Variants in PIP5K1B observed in about 807,000 individuals in gnomAD.
PIP5K1B encodes the protein phosphatidylinositol-4-phosphate 5-kinase type 1 beta, also known as phosphatidylinositol 4-phosphate 5-kinase type-1 beta.
In PIP5K1B, 42 loss-of-function variants were observed where a neutral mutation model predicts 67.0. The observed-to-expected ratio is 0.63, with a 90% confidence interval of 0.49 to 0.81. The LOEUF is 0.81. Among genes scored for constraint, PIP5K1B ranks in the 30% least tolerant of loss-of-function variants. The pLI is 0.00. For synonymous variants in PIP5K1B, 214 were observed against 231.4 expected (o/e 0.92, Z 0.68); for missense variants, 459 against 646.3 (o/e 0.71, Z 3.14).
intron 2 of PIP5K1B, chr9:68,780,489 A>G (rs748345141): frequency 6.2e-7 from 1 of 1,614,188 alleles, no homozygotes; most frequent in Non-Finnish European, 8.5e-7. Context: ...GGAGGTGCAG[A>G]CCGCAATGCA....
intron 5 of PIP5K1B, among the ~76,000 whole-genome samples, chr9:68,870,411 A>C (rs1296844901): frequency 1.3e-5 from 2 of 152,236 alleles, no homozygotes; most frequent in Non-Finnish European, 2.9e-5. Context: ...TGGCACCAGC[A>C]AGGAATGTGT....
At chr9:68,732,271 G>C (rs542406963) in intron 1 of PIP5K1B, among the ~76,000 whole-genome samples, 2 of 152,152 alleles carry the variant, frequency 1.3e-5, no homozygotes, top group South Asian at 2.1e-4. Context: ...AGGGTCTCTC[G>C]TTTATTTTTC....
At chr9:68,766,146 T>C (rs1254221848) in intron 2 of PIP5K1B, among the ~76,000 whole-genome samples, 1 of 152,142 alleles carries the variant, frequency 6.6e-6, no homozygotes, top group Non-Finnish European at 1.5e-5. Context: ...ACTTGGTATG[T>C]ATAATATGGT....
intron 2 of PIP5K1B, among the ~76,000 whole-genome samples, chr9:68,804,644 C>T (rs1459447693): frequency 4.8e-5 from 7 of 146,642 alleles, no homozygotes; most frequent in South Asian, 4.3e-4. Flanking sequence ...CAGGATGGAG[C>T]GCAGTGGCAT....
chr9:68,855,113 C>T (rs1002769323), intron 4 of PIP5K1B, among the ~76,000 whole-genome samples: 1 of 152,126 alleles, frequency 6.6e-6, no homozygotes, highest in Admixed American at 6.5e-5. Flanking sequence ...TTTAGATATT[C>T]CATCAAGTTG....
chr9:68,841,475 A>G (rs984390977), intron 4 of PIP5K1B, among the ~76,000 whole-genome samples: 1 of 152,208 alleles, frequency 6.6e-6, no homozygotes, highest in Admixed American at 6.5e-5. Flanking sequence ...TGGGGTATAG[A>G]GTCAAGTGAT....
intron 3 of PIP5K1B, among the ~76,000 whole-genome samples, chr9:68,821,385 T>C (rs1833723844): frequency 6.6e-6 from 1 of 152,070 alleles, no homozygotes; most frequent in Non-Finnish European, 1.5e-5. Flanking sequence ...TAAAAATCAA[T>C]ATCAGAAACA....
chr9:68,780,106 C>CGG, intron 2 of PIP5K1B: 1 of 1,473,566 alleles, frequency 6.8e-7, no homozygotes, highest in Non-Finnish European at 8.9e-7. Context: ...CCCTGGACTG[C>CGG]GGGGAATGGG....
At chr9:68,989,234 AGTTCCCAG>A (rs1830251175) in intron 14 of PIP5K1B, among the ~76,000 whole-genome samples, 1 of 151,908 alleles carries the variant, frequency 6.6e-6, no homozygotes, top group East Asian at 1.9e-4. Flanking sequence ...GATTATGTGC[AGTTCCCAG>A]GTTCCCAGAC....
intron 6 of PIP5K1B, among the ~76,000 whole-genome samples, chr9:68,884,364 A>G (rs186714573): frequency 2.6e-4 from 40 of 152,002 alleles, no homozygotes; most frequent in Non-Finnish European, 2.9e-5. Flanking sequence ...CTCAAAAAAA[A>G]AAAAAAAAAG....
At chr9:68,770,136 G>T (rs964364977) in intron 2 of PIP5K1B, among the ~76,000 whole-genome samples, 1 of 152,174 alleles carries the variant, frequency 6.6e-6, no homozygotes, top group African/African-American at 2.4e-5. Context: ...GAATAGAAAG[G>T]TCTTCGCTGG....
intron 6 of PIP5K1B, among the ~76,000 whole-genome samples, chr9:68,878,586 T>G (rs1408719465): frequency 1.3e-5 from 2 of 152,216 alleles, no homozygotes; most frequent in Non-Finnish European, 2.9e-5. Context: ...CAGTGGACAC[T>G]TTGAACACCA....
chr9:68,927,464 C>T (rs1042681601), intron 12 of PIP5K1B, among the ~76,000 whole-genome samples: 5 of 152,092 alleles, frequency 3.3e-5, no homozygotes, highest in African/African-American at 1.2e-4. Flanking sequence ...TTTTGGCTAT[C>T]CTGGTAGGTA....
chr9:68,744,106 C>T (rs1054813375), intron 2 of PIP5K1B, among the ~76,000 whole-genome samples: 9 of 152,102 alleles, frequency 5.9e-5, no homozygotes, highest in African/African-American at 2.2e-4. Flanking sequence ...GCAGGAGGTC[C>T]GTAGCCTCAG....
chr9:68,980,781 T>TC (rs1829852925), intron 14 of PIP5K1B, among the ~76,000 whole-genome samples: 1 of 152,134 alleles, frequency 6.6e-6, no homozygotes, highest in South Asian at 2.1e-4. Flanking sequence ...TGAGGTTTCT[T>TC]CCCCACATGA....
Position 68,889,907 on chromosome 9 carries a change from T to C in PIP5K1B, c.471+774T>C, listed in dbSNP as rs537084885. Among the ~76,000 whole-genome samples the C allele has an allele frequency of 2.0e-5, 3 of 152,318 alleles. No individual in the cohort carries two copies. The South Asian group carries it at 6.2e-4, about 32-fold the overall frequency. On this transcript the variant is annotated intron_variant, in intron 7 of 15. Coordinates refer to ENST00000265382, the MANE Select transcript of PIP5K1B (RefSeq NM_003558.4). ...TGGTTAACTTTCATGGATTGCTTAC[T>C]ACATGTTAAGCAAGGCCTTAAGTGC... is the stretch of plus-strand genomic sequence containing the variant.
chr9:68,844,186 T>C (rs1822064003), intron 4 of PIP5K1B, among the ~76,000 whole-genome samples: 1 of 152,176 alleles, frequency 6.6e-6, no homozygotes, highest in African/African-American at 2.4e-5. Context: ...ATTGAGATGA[T>C]CTTCATTCAT....
At chr9:68,870,343 C>T (rs989960496) in intron 5 of PIP5K1B, among the ~76,000 whole-genome samples, 16 of 152,186 alleles carry the variant, frequency 1.1e-4, no homozygotes, top group Admixed American at 3.9e-4. Flanking sequence ...GGTGCAGCCT[C>T]GTCTTATACA....
At chr9:68,780,400 G>T in intron 2 of PIP5K1B, 1 of 1,613,876 alleles carries the variant, frequency 6.2e-7, no homozygotes, top group Non-Finnish European at 8.5e-7. Context: ...TCCCCTGTCC[G>T]CATGCACAGC....
Sources: allele counts gnomAD v4.1 joint callset (sites outside exome capture counted in the v4.1 genomes callset), GRCh38; gene constraint gnomAD v4.1.1; transcripts MANE v1.5; gene names NCBI Gene and HGNC (gene_info 2026-07-23, HGNC 2026-07-21).